TGM6: variants seen among roughly 807,000 people sequenced by gnomAD.
The protein encoded by TGM6 is protein-glutamine gamma-glutamyltransferase 6.
Under a neutral mutation model 77.5 loss-of-function variants are expected in TGM6, and 74 were observed. The observed-to-expected ratio is 0.96, with a 90% CI of 0.79 to 1.16. TGM6 has a LOEUF of 1.16. Ranked by LOEUF, TGM6 falls within the 50% of genes most tolerant of loss-of-function variation. The probability of loss-of-function intolerance (pLI) is 0.00; values close to 1 mark genes in which losing one functional copy is unlikely to be tolerated. For synonymous variants in TGM6, 383 were observed against 378.9 expected, an observed-to-expected ratio of 1.01 and a Z score of -0.12; for missense variants, 968 against 940.2, an observed-to-expected ratio of 1.03 and a Z score of -0.39.
intron 11 of TGM6, 83 bp downstream of exon 11, chr20:2,430,683 G>C: frequency 6.2e-7 from 1 of 1,605,522 alleles, no homozygotes; most frequent in Non-Finnish European, 8.5e-7. Context: ...AGCTGGGGGG[G>C]TTTGTGCCTT....
Position 2,403,143 on chromosome 20 carries a change from C to G in TGM6, c.990-254C>G, listed in dbSNP as rs76943466. On this transcript the variant is annotated intron_variant, in intron 7 of 12. Transcript: ENST00000202625. ...ATGTAAGCAGCATGAGAGTAAAGATCTTCTGTCTTAGTTGCAGTACCTTGA... is the reference window on the plus strand; with the variant it reads ...ATGTAAGCAGCATGAGAGTAAAGATGTTCTGTCTTAGTTGCAGTACCTTGA... 4.4e-3 allele frequency among the ~76,000 whole-genome samples: 667 copies of G among 152,308 alleles called. 3 individuals carry two copies. The highest frequency in any genetic ancestry group is 0.015 in the African/African-American group (636 of 41,570).
At chr20:2,405,458 G>A (rs1445786998) in intron 9 of TGM6, among the ~76,000 whole-genome samples, 1 of 152,200 alleles carries the variant, frequency 6.6e-6, no homozygotes, top group Non-Finnish European at 1.5e-5. Flanking sequence ...GGTCTCTAGT[G>A]TGCAACCAAT....
intron 10 of TGM6, among the ~76,000 whole-genome samples, 191 bp downstream of exon 10, chr20:2,417,764 A>C (rs2084828752): frequency 6.6e-6 from 1 of 152,170 alleles, no homozygotes; most frequent in South Asian, 2.1e-4. Flanking sequence ...GGAGGGGCAA[A>C]ACACTAATAA....
Position 2,417,372 on chromosome 20 carries a change from C to T in TGM6, c.1477C>T (p.Pro493Ser). The change falls in exon 10 of 13, where the codon CCC becomes TCC. Residue 493 changes from proline to serine, a missense_variant. Transcript: ENST00000202625. The part of the protein sequence containing the change: ...RDDLLEPATK[P>S]SIAGKFKVLE... ...CGACCTCCTGGAGCCTGCCACCAAG[C>T]CCAGCATCGCTGGCAAGTTCAAGGT... 6.2e-7 allele frequency: 1 copy of T among 1,613,480 alleles called. No individual in the cohort carries two copies. Among genetic ancestry groups the T allele is most frequent in the Non-Finnish European group, 8.5e-7 (1 of 1,179,662 alleles).
intron 1 of TGM6, among the ~76,000 whole-genome samples, chr20:2,383,834 G>C (rs559899990): frequency 1.3e-5 from 2 of 152,106 alleles, no homozygotes; most frequent in East Asian, 3.9e-4. Flanking sequence ...TAGGCCGGGC[G>C]CGGTGGCTCA....
chr20:2,402,003 C>T (rs548107492), intron 7 of TGM6, among the ~76,000 whole-genome samples: 7 of 151,982 alleles, frequency 4.6e-5, no homozygotes, highest in Admixed American at 3.3e-4. Context: ...TTTGGGAGGC[C>T]GAGGCTGGCA....
At chr20:2,393,158 G>C (rs1197576833) in intron 1 of TGM6, among the ~76,000 whole-genome samples, 1 of 152,226 alleles carries the variant, frequency 6.6e-6, no homozygotes, top group African/African-American at 2.4e-5. Flanking sequence ...TCTATACTCT[G>C]CACTTTCTTG....
In TGM6 at chr20:2,395,457, T is replaced by C. The variant is rs199848511; in HGVS notation, c.424+21T>C. ...TGCAGGTAGGAGTGGCCAAGTCCAA[T>C]GCAGAGGTTTTTCCAAAAGACATCC... On this transcript the variant is annotated intron_variant, in intron 3 of 12. Transcript: ENST00000202625. The C allele has an allele frequency of 5.1e-4, 824 of 1,614,142 alleles. 1 individual carries two copies. The highest frequency in any genetic ancestry group is 6.8e-4 in the Non-Finnish European group (805 of 1,180,034).
chr20:2,411,006 C>G (rs139667982), intron 9 of TGM6, among the ~76,000 whole-genome samples: 181 of 152,134 alleles, frequency 1.2e-3, no homozygotes, highest in African/African-American at 4.2e-3. Flanking sequence ...AATAATCAGG[C>G]CCAGATTATG....
intron 9 of TGM6, among the ~76,000 whole-genome samples, chr20:2,412,671 A>T (rs775080036): frequency 8.5e-5 from 13 of 152,188 alleles, no homozygotes; most frequent in Non-Finnish European, 1.6e-4. Context: ...ATGATAAACA[A>T]GTTCAGCAAG....
At chr20:2,422,567 C>A (rs974568089) in intron 10 of TGM6, among the ~76,000 whole-genome samples, 1 of 152,094 alleles carries the variant, frequency 6.6e-6, no homozygotes, top group Non-Finnish European at 1.5e-5. Flanking sequence ...GTCTATAAAG[C>A]GTGCAATAGC....
intron 5 of TGM6, among the ~76,000 whole-genome samples, chr20:2,398,478 G>A (rs2084684124): frequency 6.6e-6 from 1 of 152,106 alleles, no homozygotes; most frequent in African/African-American, 2.4e-5. Flanking sequence ...GGACCCACCA[G>A]TCATCACTCT....
intron 10 of TGM6, among the ~76,000 whole-genome samples, chr20:2,424,078 G>A (rs1282223620): frequency 6.6e-6 from 1 of 152,176 alleles, no homozygotes; most frequent in Non-Finnish European, 1.5e-5. Context: ...CACAGGCATA[G>A]TAGATTTAGC....
At chr20:2,404,351 T>A (rs1210095494) in intron 9 of TGM6, among the ~76,000 whole-genome samples, 1 of 152,210 alleles carries the variant, frequency 6.6e-6, no homozygotes, top group African/African-American at 2.4e-5. Flanking sequence ...TATAGCTGTT[T>A]CCAACTATAT....
Position 2,431,002 on chromosome 20 carries a change from C to T in TGM6, c.1942C>T (p.Leu648Phe). ...DCALMVEGSG[L>F]LQEQLSIDVP... is the part of the protein sequence containing the mutation. ...TGCGCTGATGGTGGAGGGCAGCGGCCTTCTCCAGGAACAGCTCAGCATCGA... is the reference window on the plus strand; with the variant it reads ...TGCGCTGATGGTGGAGGGCAGCGGCTTTCTCCAGGAACAGCTCAGCATCGA... Residue 648 changes from leucine to phenylalanine, a missense_variant, in exon 12 of 13, where the codon CTT (leucine) becomes TTT (phenylalanine). Physicochemically the swap from Leu to Phe is conservative, Grantham distance 22. Coordinates refer to ENST00000202625, the MANE Select transcript of TGM6 (RefSeq NM_198994.3). 6.2e-7 allele frequency: 1 copy of T among 1,614,044 alleles called. No homozygotes were observed. Among genetic ancestry groups the T allele is most frequent in the South Asian group, 1.1e-5 (1 of 91,078 alleles).
At chr20:2,399,378 T>C (rs749341784) in intron 5 of TGM6, among the ~76,000 whole-genome samples, 183 bp from the exon 6 acceptor site, 1 of 152,136 alleles carries the variant, frequency 6.6e-6, no homozygotes, top group Non-Finnish European at 1.5e-5. Context: ...TAATTGAAAA[T>C]GACAAGTGCT....
chr20:2,412,549 G>A (rs1429001568), intron 9 of TGM6, among the ~76,000 whole-genome samples: 1 of 151,928 alleles, frequency 6.6e-6, no homozygotes, highest in Non-Finnish European at 1.5e-5. Context: ...GAGGGAGGAA[G>A]ACAGGGAGGG....
At chr20:2,418,869 G>A (rs1055096360) in intron 10 of TGM6, among the ~76,000 whole-genome samples, 9 of 152,098 alleles carry the variant, frequency 5.9e-5, no homozygotes, top group Non-Finnish European at 7.3e-5. Context: ...GAGGTCAGGA[G>A]ATCGAAACCA....
At chr20:2,420,114 A>G (rs190045437) in intron 10 of TGM6, among the ~76,000 whole-genome samples, 1 of 152,110 alleles carries the variant, frequency 6.6e-6, no homozygotes, top group Non-Finnish European at 1.5e-5. Context: ...GCGTGGCGGC[A>G]TGCGCCTGTA....
Sources: gnomAD v4.1 joint callset for allele counts (sites outside exome capture counted in the v4.1 genomes callset) on GRCh38, gnomAD v4.1.1 for gene constraint, MANE v1.5 for transcripts, NCBI Gene and HGNC (gene_info 2026-07-23, HGNC 2026-07-21) for gene names.